Variants in SGCD observed in about 807,000 individuals in gnomAD.
SGCD encodes sarcoglycan delta.
Under a neutral mutation model 36.6 loss-of-function variants are expected in SGCD, and 18 were observed. That is an observed-to-expected ratio of 0.49 (90% CI 0.34 to 0.73). The LOEUF is 0.73. Ranked by LOEUF, SGCD falls within the 30% of genes least tolerant of loss-of-function variation. The pLI, the probability that SGCD is intolerant of heterozygous loss-of-function variation, is 0.01. For missense variants in SGCD, 387 were observed against 346.7 expected (o/e 1.12, Z -0.92); for synonymous variants, 133 against 130.6 (o/e 1.02, Z -0.12).
chr5:156,646,103 G>A (rs530458717), intron 6 of SGCD, among the ~76,000 whole-genome samples: 42 of 152,214 alleles, frequency 2.8e-4, no homozygotes, highest in African/African-American at 8.7e-4. Flanking sequence ...CAATGAGTTT[G>A]TCCTCCAGTA....
chr5:155,744,872 T>C, the SGCD span, among the ~76,000 whole-genome samples: 2 of 152,222 alleles, frequency 1.3e-5, no homozygotes, highest in Non-Finnish European at 2.9e-5. Flanking sequence ...TGATGTTAAT[T>C]TGCAAATATA....
At chr5:155,796,168 C>T in the SGCD span, among the ~76,000 whole-genome samples, 2 of 152,092 alleles carry the variant, frequency 1.3e-5, no homozygotes, top group Admixed American at 1.3e-4. Context: ...CAAGTGTGTA[C>T]AAATCATCAC....
intron 7 of SGCD, among the ~76,000 whole-genome samples, chr5:156,696,400 T>C (rs1161974430): frequency 1.3e-5 from 2 of 152,246 alleles, no homozygotes; most frequent in African/African-American, 4.8e-5. Flanking sequence ...ATAGGAAAAC[T>C]GTTCTTACAT....
intron 3 of SGCD, among the ~76,000 whole-genome samples, chr5:156,373,679 C>G (rs1770509820): frequency 6.6e-6 from 1 of 152,158 alleles, no homozygotes; most frequent in Non-Finnish European, 1.5e-5. Context: ...AATTTCAGTG[C>G]TAAGAGAAAA....
chr5:156,037,057 T>C (rs1401895666), intron 1 of SGCD, among the ~76,000 whole-genome samples: 1 of 152,178 alleles, frequency 6.6e-6, no homozygotes, highest in Non-Finnish European at 1.5e-5. Flanking sequence ...ATGAGAGTTG[T>C]AGTGCTTGGC....
chr5:156,275,333 T>C (rs1766288295), intron 3 of SGCD, among the ~76,000 whole-genome samples: 1 of 152,172 alleles, frequency 6.6e-6, no homozygotes, highest in Non-Finnish European at 1.5e-5. Flanking sequence ...TGTATGATGA[T>C]TTTTCTCATA....
At chr5:155,753,626 G>C in the SGCD span, among the ~76,000 whole-genome samples, 1 of 152,244 alleles carries the variant, frequency 6.6e-6, no homozygotes, top group East Asian at 1.9e-4. Flanking sequence ...GACCAGGAGT[G>C]GGGAGCTGAC....
Position 156,760,032 on chromosome 5 carries a change from TGAG to T in SGCD, c.*648_*650del, listed in dbSNP as rs1369863331. On this transcript the variant is annotated 3_prime_UTR_variant, in exon 9 of 9. Transcript: ENST00000337851. The stretch of plus-strand genomic sequence containing the variant: ...ATTGGGGTTTTTGTAGTTGAATGAA[TGAG>T]GAGGATGAATTTCAGCAAATTTTGA... The T allele has an allele frequency of 6.6e-6, 1 of 152,144 alleles. No individual in the cohort carries two copies. Among genetic ancestry groups the T allele is most frequent in the African/African-American group, 2.4e-5 (1 of 41,430 alleles). 9.4% of individuals were successfully genotyped at this position (152,144 alleles called of 1,614,324 possible).
chr5:155,944,305 T>C (rs1044490706), intron 1 of SGCD, among the ~76,000 whole-genome samples: 2 of 152,170 alleles, frequency 1.3e-5, no homozygotes, highest in Non-Finnish European at 1.5e-5. Context: ...AATGTGTATA[T>C]ATGTATTACT....
chr5:156,220,892 C>T (rs1251627601), intron 3 of SGCD, among the ~76,000 whole-genome samples: 6 of 152,096 alleles, frequency 3.9e-5, no homozygotes, highest in African/African-American at 1.4e-4. Context: ...TGATTTCAGT[C>T]TCCCAATATT....
At chr5:156,498,157 T>C (rs144085629) in intron 3 of SGCD, among the ~76,000 whole-genome samples, 1 of 151,924 alleles carries the variant, frequency 6.6e-6, no homozygotes, top group Non-Finnish European at 1.5e-5. Context: ...CAAGCACTTA[T>C]CTCTAAATCA....
At chr5:156,344,444 C>T (rs1301396567) in intron 2 of SGCD, 45 bp from the exon 3 acceptor site, 1 of 1,314,232 alleles carries the variant, frequency 7.6e-7, no homozygotes, top group Non-Finnish European at 1.0e-6. Flanking sequence ...TCTCTTCTCT[C>T]AGCGGTTTAA....
At chr5:156,585,523 C>A (rs545561144) in intron 4 of SGCD, among the ~76,000 whole-genome samples, 5 of 152,244 alleles carry the variant, frequency 3.3e-5, no homozygotes, top group East Asian at 3.9e-4. Context: ...TAGAGCACTG[C>A]GACCAATGCA....
chr5:155,768,933 C>T, the SGCD span, among the ~76,000 whole-genome samples: 2 of 152,066 alleles, frequency 1.3e-5, no homozygotes, highest in Non-Finnish European at 2.9e-5. Flanking sequence ...AAGAGACAAC[C>T]AAATTGCTGC....
At chr5:156,112,689 G>A (rs1561726192) in intron 1 of SGCD, among the ~76,000 whole-genome samples, 2 of 152,146 alleles carry the variant, frequency 1.3e-5, no homozygotes, top group African/African-American at 4.8e-5. Context: ...AGGAAACTGA[G>A]GCCAGGTAAA....
At chr5:155,836,476 G>T in the SGCD span, among the ~76,000 whole-genome samples, 6 of 61,822 alleles carry the variant, frequency 9.7e-5, no homozygotes, top group East Asian at 1.6e-3. Context: ...ACCCACCCCC[G>T]CCCCGCACTC....
the SGCD span, among the ~76,000 whole-genome samples, chr5:155,819,229 T>C: frequency 1.3e-5 from 2 of 152,214 alleles, no homozygotes; most frequent in African/African-American, 4.8e-5. Context: ...CTAAAATCTA[T>C]ATATCTTCTC....
chr5:156,097,124 A>AT lies in SGCD; in HGVS notation c.-281-20744dup, dbSNP rs902348122. Among the ~76,000 whole-genome samples the AT allele has an allele frequency of 1.2e-4, 17 of 147,242 alleles. No individual in the cohort carries two copies. The East Asian group carries it at 1.6e-3, about 14-fold the overall frequency. Reference sequence around the variant, plus strand: ...TCATTTCTCTCTGGCTGCTTTTAAGATTTTTTTTTTCGTTGTCTTTAGTTT... The same window carrying AT: ...TCATTTCTCTCTGGCTGCTTTTAAGATTTTTTTTTTTCGTTGTCTTTAGTTT... On this transcript the variant is annotated intron_variant, in intron 1 of 9. Coordinates refer to the SGCD transcript ENST00000517913.
chr5:156,428,202 A>G (rs1044265650), intron 3 of SGCD, among the ~76,000 whole-genome samples: 2 of 152,020 alleles, frequency 1.3e-5, no homozygotes, highest in Non-Finnish European at 2.9e-5. Context: ...TTAAATTACT[A>G]TTTCAATCTT....
Sources: allele counts gnomAD v4.1 joint callset (sites outside exome capture counted in the v4.1 genomes callset), GRCh38; gene constraint gnomAD v4.1.1; transcripts MANE v1.5; gene names NCBI Gene and HGNC (gene_info 2026-07-23, HGNC 2026-07-21).